The following CLEC16A variants were observed in gnomAD, a reference collection of about 807,000 sequenced individuals.
CLEC16A encodes the protein protein CLEC16A.
In CLEC16A, 51 loss-of-function variants were observed where a neutral mutation model predicts 109.5. The observed-to-expected ratio is 0.47, with a 90% confidence interval of 0.37 to 0.59. The LOEUF (loss-of-function observed/expected upper bound fraction) is 0.59, where lower values mean the gene tolerates loss of function less well. Among genes scored for constraint, CLEC16A ranks in the 20% least tolerant of loss-of-function variants. The pLI, the probability that CLEC16A is intolerant of heterozygous loss-of-function variation, is 0.00. For missense variants in CLEC16A, 1,339 were observed against 1,394.0 expected (o/e 0.96, Z 0.63); for synonymous variants, 673 against 564.2 (o/e 1.19, Z -2.73).
chr16:10,958,017 G>T, intron 2 of CLEC16A, 107 bp downstream of exon 2: 3 of 1,092,090 alleles, frequency 2.7e-6, no homozygotes, highest in South Asian at 3.2e-5. Context: ...ACGCTAATTT[G>T]ATCTTGCCTA....
chr16:11,160,161 A>T (rs546952687), intron 22 of CLEC16A, among the ~76,000 whole-genome samples: 15 of 152,240 alleles, frequency 9.9e-5, no homozygotes, highest in African/African-American at 3.1e-4. Context: ...TCACATGGCC[A>T]GTATCCTCAG....
intron 10 of CLEC16A, among the ~76,000 whole-genome samples, chr16:10,986,760 T>TGTGTGTGTGTGC (rs1346208487): frequency 5.9e-5 from 9 of 151,852 alleles, no homozygotes; most frequent in Admixed American, 2.0e-4. Flanking sequence ...TGTGTGTGTG[T>TGTGTGTGTGTGC]GTACCAAGAA....
At chr16:11,072,045 TATA>T (rs1336869562) in intron 19 of CLEC16A, among the ~76,000 whole-genome samples, 2 of 151,948 alleles carry the variant, frequency 1.3e-5, no homozygotes, top group Non-Finnish European at 2.9e-5. Flanking sequence ...TGTGTGCGGG[TATA>T]ATGAGAGAGC....
rs74163603 is a variant in CLEC16A at position 10,957,837 on chromosome 16, C to T, written c.136C>T (p.Leu46=). 8 of 1,613,632 alleles carry T rather than the reference C, an allele frequency of 5.0e-6. No individual in the cohort carries two copies. Among genetic ancestry groups the T allele is most frequent in the African/African-American group, 1.3e-5 (1 of 75,038 alleles). The part of the protein sequence containing the change: ...NTTVTEQNRN[L]LVETIRSITE... ...CACAGTCACAGAACAGAACCGGAAC[C>T]TGCTAGTGGAGACCATCCGTTCCAT... Residue 46 remains leucine, a synonymous_variant, in exon 2 of 24, where the codon CTG becomes TTG. Transcript: ENST00000409790.
In CLEC16A at chr16:11,054,438, C is replaced by T. The variant is rs182750914; in HGVS notation, c.1995+2797C>T. ...CACATGTCACAGAGTTGCAGGTTCC[C>T]AGGGCTGTGCTGCCCACCTCCCTTG... On this transcript the variant is annotated intron_variant, in intron 18 of 23. Coordinates refer to ENST00000409790, the MANE Select transcript of CLEC16A (RefSeq NM_015226.3). 1.1e-3 allele frequency among the ~76,000 whole-genome samples: 166 copies of T among 152,344 alleles called. 1 individual carries two copies. The highest frequency in any genetic ancestry group is 3.8e-3 in the Admixed American group (58 of 15,304).
At chr16:11,091,213 A>G (rs1487328920) in intron 19 of CLEC16A, among the ~76,000 whole-genome samples, 1 of 152,226 alleles carries the variant, frequency 6.6e-6, no homozygotes, top group Non-Finnish European at 1.5e-5. Context: ...GCTTCTATTA[A>G]AAGACACAGG....
chr16:11,109,200 C>G (rs1567329918), intron 19 of CLEC16A, among the ~76,000 whole-genome samples: 1 of 149,044 alleles, frequency 6.7e-6, no homozygotes, highest in South Asian at 2.1e-4. Context: ...GAGTCTCACT[C>G]TGTCACCCAG....
rs534234777 is a variant in CLEC16A at position 11,147,179 on chromosome 16, G to C, written c.2642-19209G>C. Among the ~76,000 whole-genome samples the C allele has an allele frequency of 2.0e-5, 3 of 152,266 alleles. No homozygotes were observed. In the South Asian group the frequency reaches 6.2e-4, roughly 32 times the overall value. Reference sequence around the variant, plus strand: ...GGAATGAATATGTTGCTGCCCGTTTGACACCTGGCAACAGTTTGGCTAGGC... The same window carrying C: ...GGAATGAATATGTTGCTGCCCGTTTCACACCTGGCAACAGTTTGGCTAGGC... On this transcript the variant is annotated intron_variant, in intron 22 of 23. Coordinates refer to ENST00000409790, the MANE Select transcript of CLEC16A (RefSeq NM_015226.3).
intron 1 of CLEC16A, among the ~76,000 whole-genome samples, chr16:10,953,314 G>C (rs927782748): frequency 6.6e-6 from 1 of 152,218 alleles, no homozygotes; most frequent in African/African-American, 2.4e-5. Flanking sequence ...GGGTCAAGTA[G>C]ATTTCCATAT....
intron 14 of CLEC16A, 54 bp from the exon 15 acceptor site, chr16:11,042,200 G>A: frequency 7.1e-7 from 1 of 1,416,800 alleles, no homozygotes; most frequent in Non-Finnish European, 9.7e-7. Flanking sequence ...GCAGTCTTGG[G>A]TTTAAGGGCG....
rs200908373 is a variant in CLEC16A at position 11,125,989 on chromosome 16, C to A, written c.2484C>A (p.Asp828Glu). ...ATTGTTTGACCGTAGCCCTCCTGGA[C>A]CTCCCAATCCAGCCCACCACTGAAG... ...MKMQRIAALL[D>E]LPIQPTTEVL... Residue 828 changes from aspartate (D) to glutamate (E), a missense_variant, in exon 22 of 24, where the codon GAC (aspartate) becomes GAA (glutamate). By Grantham distance (45) the Asp-to-Glu change is conservative. Around this residue, in one of 3 missense-constraint regions of CLEC16A, gnomAD observed 1,061 missense variants for 1,006.8 expected, o/e 1.05. Transcript: ENST00000409790. The A allele has an allele frequency of 4.2e-5, 67 of 1,607,858 alleles. No individual in the cohort carries two copies. Among genetic ancestry groups the A allele is most frequent in the Non-Finnish European group, 5.2e-5 (61 of 1,177,022 alleles).
intron 17 of CLEC16A, among the ~76,000 whole-genome samples, chr16:11,049,387 C>T (rs2047812334): frequency 6.6e-6 from 1 of 152,140 alleles, no homozygotes; most frequent in Non-Finnish European, 1.5e-5. Context: ...AACAAGAGGC[C>T]TCATGGGTCC....
In CLEC16A at chr16:10,979,470, C is replaced by T. The variant is rs576754594; in HGVS notation, c.957+88C>T. The T allele has an allele frequency of 2.0e-5, 23 of 1,160,034 alleles. No individual in the cohort carries two copies. In the African/African-American group the frequency reaches 3.4e-4, roughly 17 times the overall value. The allele number at this position is 1,160,034 out of a possible 1,614,324, so 71.9% of individuals were successfully genotyped here. A position where few individuals can be genotyped will look rare whatever the true frequency, so the allele number is the denominator to read the frequency against. On this transcript the variant is annotated intron_variant, in intron 9 of 23. Coordinates refer to ENST00000409790, the MANE Select transcript of CLEC16A (RefSeq NM_015226.3). ...TGAAGAAAATCCCCAGGCCTTATCA[C>T]CCCATCTTCTCTGTCCCCCCCATGC...
At chr16:11,084,165 C>G (rs1184685809) in intron 19 of CLEC16A, among the ~76,000 whole-genome samples, 1 of 152,018 alleles carries the variant, frequency 6.6e-6, no homozygotes, top group Non-Finnish European at 1.5e-5. Flanking sequence ...CAGGCCCATC[C>G]CTCTGCTTGG....
chr16:11,013,471 A>C (rs558032360), intron 11 of CLEC16A, among the ~76,000 whole-genome samples: 2 of 152,180 alleles, frequency 1.3e-5, no homozygotes, highest in African/African-American at 2.4e-5. Context: ...TCTGCTAAAA[A>C]TACAAAAATG....
intron 22 of CLEC16A, among the ~76,000 whole-genome samples, chr16:11,152,867 CT>C (rs2054349252): frequency 6.6e-6 from 1 of 152,188 alleles, no homozygotes. Flanking sequence ...CACTAATCAT[CT>C]GCGTTCGGGC....
chr16:10,971,303 C>T (rs533833103), intron 5 of CLEC16A, 73 bp downstream of exon 5: 32 of 1,092,166 alleles, frequency 2.9e-5, no homozygotes, highest in Non-Finnish European at 4.0e-5. Flanking sequence ...CGTGTGTGTG[C>T]GTACAGTTCT....
Position 10,992,704 on chromosome 16 carries a change from C to T in CLEC16A, c.1071+9713C>T, listed in dbSNP as rs531229915. Among the ~76,000 whole-genome samples, 25 of 151,828 alleles carry T rather than the reference C, an allele frequency of 1.6e-4. No homozygotes were observed. In the South Asian group the frequency reaches 1.9e-3, roughly 11 times the overall value. On this transcript the variant is annotated intron_variant, in intron 10 of 23. Coordinates refer to ENST00000409790, the MANE Select transcript of CLEC16A (RefSeq NM_015226.3). ...ACTTACCCTTGTGCACTCCCTGCCT[C>T]GAGTAATTGTTGAGCCCCTACAAGT...
intron 19 of CLEC16A, among the ~76,000 whole-genome samples, chr16:11,094,488 A>T (rs1697189656): frequency 6.6e-6 from 1 of 152,222 alleles, no homozygotes; most frequent in Admixed American, 6.5e-5. Context: ...GAGGAGGGGC[A>T]GCTGAGAGCC....
Sources: allele counts gnomAD v4.1 joint callset (sites outside exome capture counted in the v4.1 genomes callset), GRCh38; gene constraint gnomAD v4.1.1; regional missense constraint gnomAD v4.1.1; transcripts MANE v1.5; gene names NCBI Gene and HGNC (gene_info 2026-07-23, HGNC 2026-07-21).